The following ARFGEF1 variants were observed in gnomAD, a reference collection of about 807,000 sequenced individuals.
ARFGEF1 encodes the protein brefeldin A-inhibited guanine nucleotide-exchange protein 1.
A neutral mutation model predicts 231.0 loss-of-function variants in ARFGEF1; 42 were observed. That is an observed-to-expected ratio of 0.18 (90% CI 0.14 to 0.24). ARFGEF1 has a LOEUF of 0.24. ARFGEF1 is among the 10% of genes least tolerant of loss of function. The probability of loss-of-function intolerance (pLI) is 1.00; values close to 1 mark genes in which losing one functional copy is unlikely to be tolerated. For missense variants in ARFGEF1, 1,345 were observed against 2,192.0 expected (o/e 0.61, Z 7.72); for synonymous variants, 710 against 732.3 (o/e 0.97, Z 0.49).
downstream of ARFGEF1, among the ~76,000 whole-genome samples, chr8:67,197,215 T>G (rs981059420): frequency 2.0e-5 from 3 of 152,176 alleles, no homozygotes; most frequent in Admixed American, 2.0e-4. Context: ...TGAGGCTGAG[T>G]TGGGAGGATC....
chr8:67,268,573 G>A (rs1236710031), intron 10 of ARFGEF1, among the ~76,000 whole-genome samples: 1 of 152,060 alleles, frequency 6.6e-6, no homozygotes, highest in African/African-American at 2.4e-5. Context: ...GCAAAGCTGG[G>A]TTTTGGTAGT....
At position 67,332,224 on chromosome 8, in the gene ARFGEF1, A is replaced by G. The variant is rs548499603; in HGVS notation, c.124+10940T>C. On this transcript the variant is annotated intron_variant, in intron 1 of 38. Transcript: ENST00000262215. ...CTGAGATTTACAACTAGTTATTTTA[A>G]GATAAAGTCTTATTGGTAATTTCAC... Among the ~76,000 whole-genome samples the G allele has an allele frequency of 9.1e-4, 138 of 152,322 alleles. 1 individual carries two copies. Among genetic ancestry groups the G allele is most frequent in the Middle Eastern group, 3.4e-3 (1 of 294 alleles).
At chr8:67,263,926 A>G (rs1249295290) in intron 14 of ARFGEF1, among the ~76,000 whole-genome samples, 3 of 152,162 alleles carry the variant, frequency 2.0e-5, no homozygotes, top group African/African-American at 7.2e-5. Flanking sequence ...TTTATAAACA[A>G]TAAGAAAAAA....
intron 1 of ARFGEF1, among the ~76,000 whole-genome samples, chr8:67,307,916 G>T (rs1468857145): frequency 6.6e-6 from 1 of 152,194 alleles, no homozygotes; most frequent in African/African-American, 2.4e-5. Context: ...AGGTCAGAAA[G>T]GCCAAGCAGC....
At chr8:67,251,263 G>A (rs764481074) in intron 19 of ARFGEF1, 36 bp downstream of exon 19, 1 of 1,548,356 alleles carries the variant, frequency 6.5e-7, no homozygotes, top group Non-Finnish European at 8.7e-7. Flanking sequence ...ATATATAAAT[G>A]TACACTGCAA....
At chr8:67,243,309 G>T (rs74900944) in intron 19 of ARFGEF1, among the ~76,000 whole-genome samples, 2,299 of 152,276 alleles carry the variant, frequency 0.015, 63 homozygotes, top group African/African-American at 0.053. Context: ...AGAAAAACAG[G>T]CTTAATGGAC....
At chr8:67,243,918 T>TA (rs200145672) in intron 19 of ARFGEF1, among the ~76,000 whole-genome samples, 4,662 of 151,010 alleles carry the variant, frequency 0.031, 101 homozygotes, top group Middle Eastern at 0.065. Context: ...ATTAAAATAA[T>TA]AAAAAAAAAT....
intron 5 of ARFGEF1, among the ~76,000 whole-genome samples, chr8:67,188,935 T>C (rs985832393): frequency 3.3e-5 from 5 of 152,160 alleles, no homozygotes; most frequent in Non-Finnish European, 7.3e-5. Context: ...TTCCTTGGAA[T>C]CTGTGAGGCC....
intron 10 of ARFGEF1, among the ~76,000 whole-genome samples, chr8:67,267,884 T>C (rs1210826890): frequency 1.3e-5 from 2 of 152,212 alleles, no homozygotes; most frequent in East Asian, 3.8e-4. Context: ...GATACTCTAA[T>C]CAACACAATA....
chr8:67,341,039 T>A (rs1357850938), intron 1 of ARFGEF1, among the ~76,000 whole-genome samples: 1 of 152,156 alleles, frequency 6.6e-6, no homozygotes, highest in East Asian at 1.9e-4. Flanking sequence ...CATACAATCA[T>A]TAAGTTCAAT....
intron 17 of ARFGEF1, 116 bp from the exon 18 acceptor site, chr8:67,253,738 G>A: frequency 7.3e-6 from 4 of 551,520 alleles, no homozygotes; most frequent in Non-Finnish European, 1.1e-5. Context: ...GATAGAAACT[G>A]GAAAGTATTC....
chr8:67,331,481 G>T (rs1808095983), intron 1 of ARFGEF1, among the ~76,000 whole-genome samples: 2 of 152,170 alleles, frequency 1.3e-5, no homozygotes, highest in Non-Finnish European at 2.9e-5. Flanking sequence ...GCCATCACCA[G>T]ATATGGAATC....
chr8:67,234,604 G>T (rs1839656210), intron 22 of ARFGEF1, among the ~76,000 whole-genome samples: 1 of 152,096 alleles, frequency 6.6e-6, no homozygotes, highest in African/African-American at 2.4e-5. Flanking sequence ...GAAGGGAAAA[G>T]AACAGCAGTA....
intron 13 of ARFGEF1, 109 bp from the exon 14 acceptor site, chr8:67,266,316 T>C: frequency 4.0e-6 from 3 of 758,772 alleles, no homozygotes; most frequent in Non-Finnish European, 6.4e-6. Context: ...TGCTTAGATA[T>C]CTATTTAATA....
rs1424931505 is a variant in ARFGEF1, at chr8:67,232,952, C to T, written c.3290-7G>A. 1 of 1,599,502 alleles carries T rather than the reference C, an allele frequency of 6.3e-7. No homozygotes were observed. The highest frequency in any genetic ancestry group is 1.1e-5 in the South Asian group (1 of 89,094). ...CAGTCCACATTTCCTCCAACTACCA[C>T]ACATAAAAAAAAGTCATTTCAGTTT... On this transcript the variant is annotated splice_polypyrimidine_tract_variant and splice_region_variant and intron_variant, in intron 22 of 38. Coordinates refer to ENST00000262215, the MANE Select transcript of ARFGEF1 (RefSeq NM_006421.5).
chr8:67,205,341 A>C (rs866484761), intron 34 of ARFGEF1, among the ~76,000 whole-genome samples: 1 of 152,184 alleles, frequency 6.6e-6, no homozygotes, highest in Non-Finnish European at 1.5e-5. Context: ...GTCCCCTGGG[A>C]CTATACATGT....
chr8:67,267,679 C>T (rs1804903910), intron 10 of ARFGEF1, among the ~76,000 whole-genome samples: 2 of 152,160 alleles, frequency 1.3e-5, no homozygotes, highest in South Asian at 4.1e-4. Flanking sequence ...GTTCTCAACA[C>T]AGCTGCTACA....
intron 34 of ARFGEF1, among the ~76,000 whole-genome samples, chr8:67,209,449 G>T (rs549004245): frequency 1.3e-5 from 2 of 152,190 alleles, no homozygotes. Flanking sequence ...CTGTATAACA[G>T]TTATGGGGCT....
intron 5 of ARFGEF1, among the ~76,000 whole-genome samples, chr8:67,292,743 C>A (rs1269202381): frequency 6.6e-6 from 1 of 151,952 alleles, no homozygotes. Flanking sequence ...AAAACTGGCT[C>A]ACAAAATGTT....
Sources: gnomAD v4.1 joint callset for allele counts (sites outside exome capture counted in the v4.1 genomes callset) on GRCh38, gnomAD v4.1.1 for gene constraint, MANE v1.5 for transcripts, NCBI Gene and HGNC (gene_info 2026-07-23, HGNC 2026-07-21) for gene names.